PAX7: variants seen among roughly 807,000 people sequenced by gnomAD.
PAX7 encodes paired box protein Pax-7.
Under a neutral mutation model 50.7 loss-of-function variants are expected in PAX7, and 18 were observed. The ratio of observed to expected loss-of-function variants is 0.36; its 90% confidence interval spans 0.25 to 0.53. The LOEUF is 0.53. Ranked by LOEUF, PAX7 falls within the 20% of genes least tolerant of loss-of-function variation. The pLI is 0.93. For missense variants in PAX7, 644 were observed against 702.9 expected (o/e 0.92, Z 0.95); for synonymous variants, 310 against 290.4 (o/e 1.07, Z -0.69).
At chr1:18,655,939 G>T (rs190300758) in intron 4 of PAX7, among the ~76,000 whole-genome samples, 7 of 152,018 alleles carry the variant, frequency 4.6e-5, no homozygotes. Flanking sequence ...CATCAAAGGC[G>T]GAACAGCTTG....
Position 18,713,142 on chromosome 1 carries a change from C to T in PAX7, c.1155+9846C>T, listed in dbSNP as rs574042121. Among the ~76,000 whole-genome samples, 78 of 152,282 alleles carry T rather than the reference C, an allele frequency of 5.1e-4. 1 individual carries two copies. Among genetic ancestry groups the T allele is most frequent in the African/African-American group, 1.7e-3 (70 of 41,568 alleles). ...TTATGCCCACCAGCAAAACATCTTC[C>T]ATCCAAACTCCACACCTCCAGAGGG... is the stretch of plus-strand genomic sequence containing the variant. On this transcript the variant is annotated intron_variant, in intron 7 of 8. Coordinates refer to ENST00000420770, the MANE Select transcript of PAX7 (RefSeq NM_001135254.2).
chr1:18,728,697 TAA>T (rs552854863), intron 7 of PAX7, among the ~76,000 whole-genome samples: 46 of 131,684 alleles, frequency 3.5e-4, no homozygotes, highest in East Asian at 8.9e-4. Flanking sequence ...CCCATTCTAC[TAA>T]AAAAAAAAAA....
chr1:18,643,686 C>A (rs998051222), intron 4 of PAX7, among the ~76,000 whole-genome samples: 3 of 152,210 alleles, frequency 2.0e-5, no homozygotes, highest in Non-Finnish European at 4.4e-5. Flanking sequence ...GAGCCGCGGC[C>A]GCCCTTTTGA....
chr1:18,746,748 C>G lies in PAX7; in HGVS notation c.*1819C>G, dbSNP rs1399064175. 1.3e-5 allele frequency: 3 copies of G among 231,682 alleles called. No homozygotes were observed. The highest frequency in any genetic ancestry group is 6.6e-5 in the African/African-American group (3 of 45,224). 14.4% of individuals were successfully genotyped at this position (231,682 alleles called of 1,614,324 possible). On this transcript the variant is annotated 3_prime_UTR_variant, in exon 9 of 9. Transcript: ENST00000420770. The stretch of plus-strand genomic sequence containing the variant: ...CCTCCCTCCTGGGAAGCTGGGTTGG[C>G]AAGATTCTAGGACACTCACCTGCAT...
chr1:18,666,906 A>T (rs933118930), intron 4 of PAX7, among the ~76,000 whole-genome samples: 2 of 152,192 alleles, frequency 1.3e-5, no homozygotes, highest in Non-Finnish European at 2.9e-5. Context: ...ACCTGGGGAA[A>T]AATTCAGACT....
At chr1:18,693,734 C>T (rs559350712) in intron 5 of PAX7, among the ~76,000 whole-genome samples, 1 of 152,166 alleles carries the variant, frequency 6.6e-6, no homozygotes, top group African/African-American at 2.4e-5. Flanking sequence ...CTCCCTCCCG[C>T]TCTGATCCTC....
intron 4 of PAX7, among the ~76,000 whole-genome samples, chr1:18,657,006 GA>G (rs1166409679): frequency 2.0e-5 from 3 of 151,974 alleles, no homozygotes; most frequent in Non-Finnish European, 4.4e-5. Context: ...AATAAATAAA[GA>G]AAAAATAGGA....
intron 8 of PAX7, among the ~76,000 whole-genome samples, chr1:18,739,397 AAT>A (rs1317323325): frequency 6.6e-6 from 1 of 152,202 alleles, no homozygotes; most frequent in African/African-American, 2.4e-5. Context: ...AGTGTTCACT[AAT>A]GTGTGTACAC....
At position 18,735,452 on chromosome 1, in the gene PAX7, C is replaced by T. The variant is rs769888405; in HGVS notation, c.1156-180C>T. On this transcript the variant is annotated intron_variant, in intron 7 of 8. Coordinates refer to ENST00000420770, the MANE Select transcript of PAX7 (RefSeq NM_001135254.2). This position sits in a 1 kb window ranked among gnomAD's most constrained non-coding sequence, Gnocchi z 4.0. Reference sequence around the variant, plus strand: ...CTTCAAGAGAAACACCGAAGACCAGCAGCCATCCCATGCATGAGGGCACGC... The same window carrying T: ...CTTCAAGAGAAACACCGAAGACCAGTAGCCATCCCATGCATGAGGGCACGC... Among the ~76,000 whole-genome samples the T allele has an allele frequency of 1.3e-5, 2 of 152,202 alleles. No homozygotes were observed. Among genetic ancestry groups the T allele is most frequent in the African/African-American group, 4.8e-5 (2 of 41,438 alleles).
intron 7 of PAX7, among the ~76,000 whole-genome samples, chr1:18,723,616 GAT>G (rs1315461059): frequency 6.6e-6 from 1 of 152,276 alleles, no homozygotes; most frequent in Non-Finnish European, 1.5e-5. Flanking sequence ...TTGGGGCAAA[GAT>G]GTGGATTTCA....
At chr1:18,677,373 G>A (rs1040318821) in intron 4 of PAX7, among the ~76,000 whole-genome samples, 1 of 152,192 alleles carries the variant, frequency 6.6e-6, no homozygotes, top group African/African-American at 2.4e-5. Flanking sequence ...GCGCACAGCA[G>A]ACCCATCTTT....
intron 4 of PAX7, among the ~76,000 whole-genome samples, chr1:18,663,949 G>A (rs2100212045): frequency 6.6e-6 from 1 of 152,354 alleles, no homozygotes; most frequent in Non-Finnish European, 1.5e-5. Flanking sequence ...CCCTCCCAGT[G>A]AGAAAGCACA....
In PAX7 at chr1:18,747,110, A is replaced by T. The variant is rs1931474682; in HGVS notation, c.*2181A>T. ...TGAAGACCAAACACTCGTCATCCAC[A>T]TTCCTTGAATGGCCAATCCTTCCAT... On this transcript the variant is annotated 3_prime_UTR_variant, in exon 9 of 9. Transcript: ENST00000420770. The T allele has an allele frequency of 1.3e-5, 3 of 229,330 alleles. No homozygotes were observed. The Admixed American group carries it at 1.7e-4, about 13-fold the overall frequency. 14.2% of individuals were successfully genotyped at this position (229,330 alleles called of 1,614,324 possible).
At position 18,700,507 on chromosome 1, in the gene PAX7, G is replaced by A. The variant is rs536882562; in HGVS notation, c.787-146G>A. The A allele has an allele frequency of 4.4e-5, 28 of 640,408 alleles. 1 individual carries two copies. The highest frequency in any genetic ancestry group is 2.0e-4 in the South Asian group (7 of 34,324). The allele number at this position is 640,408 out of a possible 1,614,324, so 39.7% of individuals were successfully genotyped here. On this transcript the variant is annotated intron_variant, in intron 5 of 8. Transcript: ENST00000420770. This position sits in a 1 kb window ranked among gnomAD's most constrained non-coding sequence, Gnocchi z 4.8. ...TACCTATGAAATCACTCTGCAAAGC[G>A]TCCTGTGCTGCACAATGCCGGGGCC... is the stretch of plus-strand genomic sequence containing the variant.
intron 4 of PAX7, among the ~76,000 whole-genome samples, chr1:18,665,748 C>A (rs72648799): frequency 0.093 from 13,885 of 148,746 alleles, 765 homozygotes; most frequent in Admixed American, 0.13. Flanking sequence ...TGGTTCACTG[C>A]ATACTCTGCC....
At position 18,636,387 on chromosome 1, in the gene PAX7, G is replaced by A. The variant is rs1230565723; in HGVS notation, c.586+16G>A. On this transcript the variant is annotated intron_variant, in intron 4 of 8. Coordinates refer to ENST00000420770, the MANE Select transcript of PAX7 (RefSeq NM_001135254.2). This position sits in a 1 kb window ranked among gnomAD's most constrained non-coding sequence, Gnocchi z 5.1. ...GGCGACAAAGGTAGGGAACTTCCCT[G>A]GGCTGCGAGGCCCCAGCCCGGGTTT... 2.6e-5 allele frequency: 42 copies of A among 1,611,542 alleles called. No individual in the cohort carries two copies. The highest frequency in any genetic ancestry group is 3.4e-5 in the Non-Finnish European group (40 of 1,178,160).
At chr1:18,731,034 G>T (rs188314471) in intron 7 of PAX7, among the ~76,000 whole-genome samples, 1 of 152,294 alleles carries the variant, frequency 6.6e-6, no homozygotes, top group African/African-American at 2.4e-5. Flanking sequence ...AGATGTGGAG[G>T]TCGGTATTGA....
intron 5 of PAX7, among the ~76,000 whole-genome samples, chr1:18,698,769 C>G (rs1419609328): frequency 6.6e-6 from 1 of 152,060 alleles, no homozygotes; most frequent in Admixed American, 6.5e-5. Flanking sequence ...GTCGTTTTTC[C>G]TCCAGGCTTG....
Position 18,700,600 on chromosome 1 carries a change from C to A in PAX7, c.787-53C>A. On this transcript the variant is annotated intron_variant, in intron 5 of 8. Transcript: ENST00000420770. This position sits in a 1 kb window ranked among gnomAD's most constrained non-coding sequence, Gnocchi z 4.8. ...AACTGGGTCTACATGTGTTGCAGCTCTCTGCCAGGAACCTGGCCGAGGGGT... is the reference window on the plus strand; with the variant it reads ...AACTGGGTCTACATGTGTTGCAGCTATCTGCCAGGAACCTGGCCGAGGGGT... 6.8e-7 allele frequency: 1 copy of A among 1,461,522 alleles called. No homozygotes were observed. The allele number at this position is 1,461,522 out of a possible 1,614,324, so 90.5% of individuals were successfully genotyped here. A position where few individuals can be genotyped will look rare whatever the true frequency, so the allele number is the denominator to read the frequency against.
Sources: allele counts gnomAD v4.1 joint callset (sites outside exome capture counted in the v4.1 genomes callset), GRCh38; gene constraint gnomAD v4.1.1; non-coding constraint Gnocchi (gnomAD v3.1); transcripts MANE v1.5; gene names NCBI Gene and HGNC (gene_info 2026-07-23, HGNC 2026-07-21).